Variants in SLIT3 observed in about 807,000 individuals in gnomAD.
SLIT3 encodes the protein slit homolog 3 protein.
A neutral mutation model predicts 184.0 loss-of-function variants in SLIT3; 68 were observed. The observed-to-expected ratio is 0.37, with a 90% confidence interval of 0.30 to 0.45. SLIT3 has a LOEUF of 0.45. SLIT3 is among the 20% of genes least tolerant of loss of function. The pLI is 1.00. For missense variants in SLIT3, 1,707 were observed against 2,026.0 expected (o/e 0.84, Z 3.02); for synonymous variants, 831 against 828.6 (o/e 1.00, Z -0.05).
intron 4 of SLIT3, among the ~76,000 whole-genome samples, chr5:169,068,254 T>C (rs1425600440): frequency 6.6e-6 from 1 of 152,186 alleles, no homozygotes; most frequent in Non-Finnish European, 1.5e-5. Context: ...AAAATGTTAA[T>C]ATAACATTTC....
intron 4 of SLIT3, among the ~76,000 whole-genome samples, chr5:169,035,801 T>C (rs1757222481): frequency 6.6e-6 from 1 of 152,284 alleles, no homozygotes; most frequent in South Asian, 2.1e-4. Context: ...GTAGTAAATC[T>C]GGAATGAGAG....
At chr5:168,794,895 G>C (rs1280445963) in intron 10 of SLIT3, among the ~76,000 whole-genome samples, 2 of 152,108 alleles carry the variant, frequency 1.3e-5, no homozygotes, top group African/African-American at 2.4e-5. Flanking sequence ...CCTGCACATA[G>C]AGACCTTCAT....
At chr5:169,273,717 G>T (rs578051980) in intron 1 of SLIT3, among the ~76,000 whole-genome samples, 3 of 152,266 alleles carry the variant, frequency 2.0e-5, no homozygotes, top group Non-Finnish European at 4.4e-5. Context: ...TTACAAGCTT[G>T]AATTGGGCTT....
At chr5:168,775,988 A>T (rs1364195686) in intron 12 of SLIT3, among the ~76,000 whole-genome samples, 1 of 152,204 alleles carries the variant, frequency 6.6e-6, no homozygotes, top group African/African-American at 2.4e-5. Flanking sequence ...ATCATTTCTT[A>T]TCCCCTCTCG....
Position 168,902,465 on chromosome 5 carries a change from T to G in SLIT3, c.414-19129A>C, listed in dbSNP as rs183576385. ...CACAACAGGAGAGCTCAATGCGTGA[T>G]AAGCAGTCAGAGGAAGTACAGCTTA... On this transcript the variant is annotated intron_variant, in intron 4 of 35. Coordinates refer to ENST00000519560, the MANE Select transcript of SLIT3 (RefSeq NM_003062.4). Among the ~76,000 whole-genome samples, 281 of 152,328 alleles carry G rather than the reference T, an allele frequency of 1.8e-3. 1 individual carries two copies. Among genetic ancestry groups the G allele is most frequent in the African/African-American group, 6.3e-3 (262 of 41,570 alleles).
At chr5:168,823,355 G>T in intron 6 of SLIT3, 24 bp from the exon 7 acceptor site, 1 of 1,579,446 alleles carries the variant, frequency 6.3e-7, no homozygotes, top group Non-Finnish European at 8.7e-7. Context: ...CAAGGGAGAT[G>T]GTCAGCCAGG....
chr5:168,980,594 G>A (rs938061348), intron 4 of SLIT3, among the ~76,000 whole-genome samples: 18 of 152,064 alleles, frequency 1.2e-4, no homozygotes, highest in Non-Finnish European at 2.5e-4. Context: ...TTCAACTTGG[G>A]CAATATGGCA....
At chr5:169,228,076 A>T (rs567925030) in intron 3 of SLIT3, among the ~76,000 whole-genome samples, 1 of 152,316 alleles carries the variant, frequency 6.6e-6, no homozygotes, top group East Asian at 1.9e-4. Flanking sequence ...GGCCCTACTG[A>T]ATCAATTATA....
intron 17 of SLIT3, 57 bp from the exon 18 acceptor site, chr5:168,753,155 T>C: frequency 6.3e-7 from 1 of 1,589,224 alleles, no homozygotes; most frequent in Non-Finnish European, 8.6e-7. Flanking sequence ...CTGTCCCAAA[T>C]GGTGCCACGG....
chr5:168,772,538 C>A, intron 14 of SLIT3: 1 of 523,924 alleles, frequency 1.9e-6, no homozygotes, highest in Non-Finnish European at 3.4e-6. Context: ...TCCTGTCTCC[C>A]CTGCAACCGT....
intron 4 of SLIT3, among the ~76,000 whole-genome samples, chr5:169,135,402 A>G (rs72833907): frequency 0.34 from 50,997 of 151,858 alleles, 8,970 homozygotes; most frequent in Middle Eastern, 0.46. Flanking sequence ...GTGAGCCACC[A>G]CACCCGGCAG....
chr5:169,197,711 G>A (rs547694135), intron 3 of SLIT3, among the ~76,000 whole-genome samples: 5 of 152,242 alleles, frequency 3.3e-5, no homozygotes, highest in African/African-American at 7.2e-5. Flanking sequence ...AATGAGATGT[G>A]GGCCAGGGCA....
intron 4 of SLIT3, among the ~76,000 whole-genome samples, chr5:168,954,642 C>T (rs1762761450): frequency 1.3e-5 from 2 of 152,222 alleles, no homozygotes; most frequent in African/African-American, 4.8e-5. Context: ...TTTCCAACGT[C>T]ATTTGAAGCC....
rs190568326 is a variant in SLIT3, at chr5:169,217,369, T to C, written c.342-23819A>G. ...CCTGGGGAAAATATAGAGCAAATTA[T>C]GCCTAGGTCCCAGGAGCTCACAGCT... On this transcript the variant is annotated intron_variant, in intron 3 of 35. Coordinates refer to ENST00000519560, the MANE Select transcript of SLIT3 (RefSeq NM_003062.4). Among the ~76,000 whole-genome samples, 212 of 152,276 alleles carry C rather than the reference T, an allele frequency of 1.4e-3. 1 individual carries two copies. Among genetic ancestry groups the C allele is most frequent in the Non-Finnish European group, 2.2e-3 (153 of 68,020 alleles).
intron 3 of SLIT3, among the ~76,000 whole-genome samples, chr5:169,226,939 T>C (rs1162654355): frequency 6.6e-6 from 1 of 152,244 alleles, no homozygotes; most frequent in Non-Finnish European, 1.5e-5. Flanking sequence ...AAGGCTAGAC[T>C]GACAGTGACT....
At chr5:169,128,001 C>T (rs1297995470) in intron 4 of SLIT3, among the ~76,000 whole-genome samples, 1 of 151,924 alleles carries the variant, frequency 6.6e-6, no homozygotes, top group African/African-American at 2.4e-5. Context: ...TTTCTCAAGG[C>T]ATTAAAAACT....
chr5:168,793,453 G>T (rs769023975), intron 10 of SLIT3, among the ~76,000 whole-genome samples: 3 of 152,038 alleles, frequency 2.0e-5, no homozygotes, highest in Non-Finnish European at 2.9e-5. Context: ...TCCATTAGTC[G>T]AACATTTTTA....
chr5:168,860,494 C>T (rs1362213991), intron 5 of SLIT3, among the ~76,000 whole-genome samples: 1 of 152,032 alleles, frequency 6.6e-6, no homozygotes, highest in Non-Finnish European at 1.5e-5. Flanking sequence ...TTTAAATTTT[C>T]TCTACTTTAA....
At chr5:169,019,251 C>A (rs1756507539) in intron 4 of SLIT3, among the ~76,000 whole-genome samples, 1 of 152,166 alleles carries the variant, frequency 6.6e-6, no homozygotes, top group Non-Finnish European at 1.5e-5. Flanking sequence ...TTTGCAGAGG[C>A]GGGAAGCAAG....
Sources: allele counts gnomAD v4.1 joint callset (sites outside exome capture counted in the v4.1 genomes callset), GRCh38; gene constraint gnomAD v4.1.1; transcripts MANE v1.5; gene names NCBI Gene and HGNC (gene_info 2026-07-23, HGNC 2026-07-21).